The following SERINC5 variants were observed in gnomAD, a reference collection of about 807,000 sequenced individuals.
SERINC5 encodes serine incorporator 5, also known as chromosome 5 open reading frame 12.
A neutral mutation model predicts 63.1 loss-of-function variants in SERINC5; 41 were observed. The ratio of observed to expected loss-of-function variants is 0.65; its 90% CI spans 0.51 to 0.84. The LOEUF (loss-of-function observed/expected upper bound fraction) is 0.84, where lower values mean the gene tolerates loss of function less well. Among genes scored for constraint, SERINC5 ranks in the 40% least tolerant of loss-of-function variants. SERINC5 has a pLI of 0.00. For missense variants in SERINC5, 523 were observed against 573.0 expected, an observed-to-expected ratio of 0.91 and a Z score of 0.89; for synonymous variants, 222 against 215.2, an observed-to-expected ratio of 1.03 and a Z score of -0.28.
Position 80,255,951 on chromosome 5 carries a change from GCTGGCTCCCCGCGCCGCACGGGCCCT to G in SERINC5, c.-55_-30del, listed in dbSNP as rs1561460673. ...GGCGGCCAATGCCGAAGGCGCGCTC[GCTGGCTCCCCGCGCCGCACGGGCCCT>G]CCTGGCTGCCTCGCGCCTCGAGCGC... On this transcript the variant is annotated 5_prime_UTR_variant, in exon 1 of 12. Transcript: ENST00000507668. The G allele has an allele frequency of 6.5e-7, 1 of 1,526,914 alleles. No homozygotes were observed. The allele number at this position is 1,526,914 out of a possible 1,614,324, so 94.6% of individuals were successfully genotyped here. A position where few individuals can be genotyped will look rare whatever the true frequency, so the allele number is the denominator to read the frequency against.
intron 6 of SERINC5, 58 bp downstream of exon 6, chr5:80,169,277 T>C (rs1747493418): frequency 7.0e-7 from 1 of 1,436,010 alleles, no homozygotes; most frequent in Admixed American, 1.8e-5. Flanking sequence ...GCCATTGGGT[T>C]TGCTCAAAGA....
chr5:80,206,594 T>A (rs1750177243), intron 1 of SERINC5, among the ~76,000 whole-genome samples: 1 of 152,182 alleles, frequency 6.6e-6, no homozygotes, highest in African/African-American at 2.4e-5. Context: ...ACAAGTGGTA[T>A]CCTAACATTA....
Position 80,140,500 on chromosome 5 carries a change from C to G in SERINC5, c.*3163G>C. ...CCACAACCCACCCCCACTCTATCTC[C>G]CCTTCAAAGAGGCTCCAAATACCTC... On this transcript the variant is annotated 3_prime_UTR_variant, in exon 12 of 12. Transcript: ENST00000507668. 1.0e-6 allele frequency: 1 copy of G among 984,776 alleles called. No homozygotes were observed. The highest frequency in any genetic ancestry group is 1.2e-6 in the Non-Finnish European group (1 of 829,676). The allele number at this position is 984,776 out of a possible 1,614,324, so 61.0% of individuals were successfully genotyped here.
chr5:80,212,969 G>A (rs1006603383), intron 1 of SERINC5, among the ~76,000 whole-genome samples: 1 of 152,106 alleles, frequency 6.6e-6, no homozygotes, highest in Non-Finnish European at 1.5e-5. Flanking sequence ...AATCAGCCAG[G>A]CACAGTGGTT....
chr5:80,119,611 C>G (rs1299979467), intron 11 of SERINC5, among the ~76,000 whole-genome samples: 3 of 152,188 alleles, frequency 2.0e-5, no homozygotes, highest in Non-Finnish European at 4.4e-5. Flanking sequence ...GGAGAAGTTC[C>G]AGAAATTCAT....
chr5:80,244,798 G>T (rs1480601867), intron 1 of SERINC5, among the ~76,000 whole-genome samples: 1 of 152,202 alleles, frequency 6.6e-6, no homozygotes, highest in East Asian at 1.9e-4. Flanking sequence ...CTCCAGCCTG[G>T]GTGACAAAGC....
At chr5:80,129,952 C>T (rs1744876870) in intron 11 of SERINC5, among the ~76,000 whole-genome samples, 2 of 152,188 alleles carry the variant, frequency 1.3e-5, no homozygotes, top group African/African-American at 2.4e-5. Flanking sequence ...TCCTCAATAT[C>T]GTCTTCAGTG....
chr5:80,116,389 G>A, intron 11 of SERINC5: 1 of 454,904 alleles, frequency 2.2e-6, no homozygotes, highest in Non-Finnish European at 4.4e-6. Flanking sequence ...CAGAGAATGG[G>A]ACAGGCCCAG....
chr5:80,185,555 A>G (rs562634258), intron 2 of SERINC5, among the ~76,000 whole-genome samples: 1 of 152,312 alleles, frequency 6.6e-6, no homozygotes, highest in Admixed American at 6.5e-5. Context: ...GTGAGCAATA[A>G]AAGCTTTTAA....
chr5:80,187,523 G>C (rs758993405), intron 2 of SERINC5, among the ~76,000 whole-genome samples: 1 of 151,840 alleles, frequency 6.6e-6, no homozygotes, highest in South Asian at 2.1e-4. Flanking sequence ...ACTAAAATCA[G>C]CTTCCCTCTT....
At chr5:80,224,915 C>T (rs1025342609) in intron 1 of SERINC5, among the ~76,000 whole-genome samples, 16 of 141,040 alleles carry the variant, frequency 1.1e-4, no homozygotes, top group African/African-American at 2.7e-4. Flanking sequence ...TGAGCCATCA[C>T]GCCCAGCGTT....
chr5:80,122,061 G>A (rs1744564702), intron 11 of SERINC5, among the ~76,000 whole-genome samples: 2 of 151,930 alleles, frequency 1.3e-5, no homozygotes, highest in South Asian at 4.1e-4. Flanking sequence ...CAATTACACA[G>A]TACCCAGCAT....
chr5:80,229,764 T>G (rs558234410), intron 1 of SERINC5, among the ~76,000 whole-genome samples: 27 of 152,354 alleles, frequency 1.8e-4, no homozygotes, highest in African/African-American at 6.0e-4. Context: ...GTGTTTAATG[T>G]TAGCTTGCAT....
intron 4 of SERINC5, 53 bp from the exon 5 acceptor site, chr5:80,175,100 CAA>C: frequency 7.8e-7 from 1 of 1,282,440 alleles, no homozygotes; most frequent in East Asian, 2.6e-5. Context: ...GTATTTTGCT[CAA>C]AAGAGAATAA....
chr5:80,218,155 TC>T (rs1277930982), intron 1 of SERINC5, among the ~76,000 whole-genome samples: 1 of 152,206 alleles, frequency 6.6e-6, no homozygotes, highest in Admixed American at 6.5e-5. Context: ...GTTTCAAGTG[TC>T]TCAGAGTCTA....
intron 1 of SERINC5, among the ~76,000 whole-genome samples, chr5:80,215,958 T>G (rs1196375296): frequency 6.6e-6 from 1 of 152,226 alleles, no homozygotes; most frequent in Non-Finnish European, 1.5e-5. Flanking sequence ...TCAAGTCCTC[T>G]GTTCTCAGAC....
intron 1 of SERINC5, among the ~76,000 whole-genome samples, chr5:80,220,070 A>G (rs1050908508): frequency 1.7e-4 from 26 of 152,264 alleles, no homozygotes; most frequent in African/African-American, 6.3e-4. Context: ...CTAGCTGGGT[A>G]TGGTGGCACA....
chr5:80,220,994 A>G (rs1454825925), intron 1 of SERINC5, among the ~76,000 whole-genome samples: 1 of 152,024 alleles, frequency 6.6e-6, no homozygotes, highest in East Asian at 1.9e-4. Context: ...GAGTGGAGGA[A>G]GCCCCCCAAA....
chr5:80,234,858 C>A (rs564032451), intron 1 of SERINC5, among the ~76,000 whole-genome samples: 1 of 152,260 alleles, frequency 6.6e-6, no homozygotes, highest in African/African-American at 2.4e-5. Flanking sequence ...CTTTTTATAA[C>A]CCCTACTTAA....
Sources: allele counts gnomAD v4.1 joint callset (sites outside exome capture counted in the v4.1 genomes callset), GRCh38; gene constraint gnomAD v4.1.1; transcripts MANE v1.5; gene names NCBI Gene and HGNC (gene_info 2026-07-23, HGNC 2026-07-21).